Variants in PHLPP1 observed in about 807,000 individuals in gnomAD.
The protein encoded by PHLPP1 is PH domain and leucine rich repeat protein phosphatase 1.
A neutral mutation model predicts 117.2 loss-of-function variants in PHLPP1; 42 were observed. The observed-to-expected ratio is 0.36, with a 90% CI of 0.28 to 0.46. PHLPP1 has a LOEUF of 0.46. Among genes scored for constraint, PHLPP1 ranks in the 20% least tolerant of loss-of-function variants. The pLI is 1.00. For synonymous variants in PHLPP1, 1,042 were observed against 970.7 expected (o/e 1.07, Z -1.37); for missense variants, 2,084 against 2,241.9 (o/e 0.93, Z 1.42).
intron 3 of PHLPP1, among the ~76,000 whole-genome samples, chr18:62,853,588 T>C (rs1170084403): frequency 6.6e-6 from 1 of 152,186 alleles, no homozygotes; most frequent in Non-Finnish European, 1.5e-5. Flanking sequence ...CAGGCTGGTC[T>C]CGAACTCCTG....
At chr18:62,846,459 C>A (rs1237285757) in intron 3 of PHLPP1, among the ~76,000 whole-genome samples, 1 of 151,490 alleles carries the variant, frequency 6.6e-6, no homozygotes, top group African/African-American at 2.4e-5. Context: ...AAAGTAAATT[C>A]ATTTCAGGAA....
intron 12 of PHLPP1, among the ~76,000 whole-genome samples, chr18:62,953,883 T>C (rs1278921893): frequency 6.6e-6 from 1 of 152,130 alleles, no homozygotes; most frequent in Non-Finnish European, 1.5e-5. Context: ...AGTAGGGTGT[T>C]ACAGAATCTA....
intron 1 of PHLPP1, among the ~76,000 whole-genome samples, chr18:62,745,080 T>C (rs1911638274): frequency 6.6e-6 from 1 of 152,222 alleles, no homozygotes. Flanking sequence ...TTAAAAACAA[T>C]AATAATTTTA....
chr18:62,949,120 G>C (rs915446893), intron 12 of PHLPP1, among the ~76,000 whole-genome samples: 1 of 152,072 alleles, frequency 6.6e-6, no homozygotes, highest in Non-Finnish European at 1.5e-5. Flanking sequence ...AGTGCAGTAG[G>C]TGTTACTTGT....
At chr18:62,728,112 T>C (rs2122055845) in intron 1 of PHLPP1, among the ~76,000 whole-genome samples, 1 of 152,004 alleles carries the variant, frequency 6.6e-6, no homozygotes, top group South Asian at 2.1e-4. Context: ...CTGGCCAACA[T>C]GGTGAAACCT....
intron 1 of PHLPP1, among the ~76,000 whole-genome samples, chr18:62,751,251 C>A (rs991600342): frequency 6.6e-6 from 1 of 152,132 alleles, no homozygotes; most frequent in African/African-American, 2.4e-5. Flanking sequence ...AAATGTGAAG[C>A]ATATAGAATG....
chr18:62,840,626 A>G (rs1231991288), intron 3 of PHLPP1, among the ~76,000 whole-genome samples: 1 of 152,242 alleles, frequency 6.6e-6, no homozygotes, highest in East Asian at 1.9e-4. Context: ...TGTTCAGAAT[A>G]AAATGCCTAA....
At chr18:62,840,141 A>C (rs1305720411) in intron 3 of PHLPP1, among the ~76,000 whole-genome samples, 2 of 152,234 alleles carry the variant, frequency 1.3e-5, no homozygotes, top group Admixed American at 1.3e-4. Flanking sequence ...GAAAACAGTT[A>C]AGAGAAAATT....
chr18:62,915,175 G>T (rs1460020217), intron 9 of PHLPP1, among the ~76,000 whole-genome samples, 167 bp downstream of exon 9: 1 of 152,222 alleles, frequency 6.6e-6, no homozygotes, highest in African/African-American at 2.4e-5. Flanking sequence ...CTTGCTTCAT[G>T]CAGTGCAGTG....
chr18:62,841,551 G>A (rs539437422), intron 3 of PHLPP1, among the ~76,000 whole-genome samples: 2 of 151,212 alleles, frequency 1.3e-5, no homozygotes, highest in Non-Finnish European at 3.0e-5. Flanking sequence ...CAAGGCTAGT[G>A]TCCAACTCCT....
At chr18:62,788,933 G>A (rs574941108) in intron 1 of PHLPP1, among the ~76,000 whole-genome samples, 2 of 152,156 alleles carry the variant, frequency 1.3e-5, no homozygotes, top group South Asian at 4.2e-4. Flanking sequence ...GCAAATAAGA[G>A]GTGTGTTTAA....
At chr18:62,950,778 A>G (rs1910431240) in intron 12 of PHLPP1, among the ~76,000 whole-genome samples, 2 of 152,178 alleles carry the variant, frequency 1.3e-5, no homozygotes, top group Non-Finnish European at 2.9e-5. Flanking sequence ...AAATTTTCCA[A>G]CCGTTGCGGA....
At chr18:62,925,526 G>C (rs963110474) in intron 10 of PHLPP1, among the ~76,000 whole-genome samples, 9 of 150,380 alleles carry the variant, frequency 6.0e-5, no homozygotes, top group African/African-American at 2.3e-4. Context: ...CTCAGAATAT[G>C]TGTAAATATC....
At chr18:62,797,691 T>C (rs1357433725) in intron 1 of PHLPP1, among the ~76,000 whole-genome samples, 1 of 152,198 alleles carries the variant, frequency 6.6e-6, no homozygotes, top group Non-Finnish European at 1.5e-5. Flanking sequence ...TTAATTTAAG[T>C]CCCTAATTAT....
At position 62,978,367 on chromosome 18, in the gene PHLPP1, C is replaced by G; in HGVS notation, c.4090C>G (p.Pro1364Ala). 6.2e-7 allele frequency: 1 copy of G among 1,611,904 alleles called. No individual in the cohort carries two copies. The highest frequency in any genetic ancestry group is 8.5e-7 in the Non-Finnish European group (1 of 1,178,550). ...RPHVQSVLLTPQDEFFILGSK... is the reference protein window; with the variant it reads ...RPHVQSVLLTAQDEFFILGSK... ...CCACGTGCAGTCCGTGCTCCTGACT[C>G]CCCAGGATGAGTTCTTCATCCTAGG... is the stretch of plus-strand genomic sequence containing the variant. The change falls in exon 17 of 17, where the codon CCC becomes GCC. Residue 1364 changes from proline (P) to alanine (A), a missense_variant. By Grantham distance (27) the Pro-to-Ala change is conservative. Transcript: ENST00000262719. This position sits in a 1 kb window ranked among gnomAD's most constrained non-coding sequence, Gnocchi z 7.0.
rs139880250 is a variant in PHLPP1, at chr18:62,759,227, C to T, written c.1576+41968C>T. Reference sequence around the variant, plus strand: ...CTGTCATTCAGTGAGAAGACTGCTGCAGAAAAAACACAGGTAAAAATAATT... The same window carrying T: ...CTGTCATTCAGTGAGAAGACTGCTGTAGAAAAAACACAGGTAAAAATAATT... On this transcript the variant is annotated intron_variant, in intron 1 of 16. Transcript: ENST00000262719. 3.3e-4 allele frequency among the ~76,000 whole-genome samples: 50 copies of T among 152,182 alleles called. 1 individual carries two copies. In the East Asian group the frequency reaches 9.5e-3, roughly 29 times the overall value.
intron 4 of PHLPP1, among the ~76,000 whole-genome samples, chr18:62,869,696 G>A (rs1050284145): frequency 6.6e-6 from 1 of 152,136 alleles, no homozygotes; most frequent in Non-Finnish European, 1.5e-5. Flanking sequence ...TGTAATATAA[G>A]GCAGTGATTT....
At chr18:62,782,161 A>G (rs577443582) in intron 1 of PHLPP1, among the ~76,000 whole-genome samples, 5 of 152,276 alleles carry the variant, frequency 3.3e-5, no homozygotes, top group African/African-American at 9.6e-5. Flanking sequence ...TTCGCTGCCT[A>G]TTTCCTCTTC....
intron 2 of PHLPP1, among the ~76,000 whole-genome samples, chr18:62,835,523 A>C (rs1914868676): frequency 6.6e-6 from 1 of 152,046 alleles, no homozygotes; most frequent in African/African-American, 2.4e-5. Flanking sequence ...TGAGAATGAT[A>C]TCTCATCATT....
Sources: allele counts gnomAD v4.1 joint callset (sites outside exome capture counted in the v4.1 genomes callset), GRCh38; gene constraint gnomAD v4.1.1; non-coding constraint Gnocchi (gnomAD v3.1); transcripts MANE v1.5; gene names NCBI Gene and HGNC (gene_info 2026-07-23, HGNC 2026-07-21).